ADAMTS18: variants seen among roughly 807,000 people sequenced by gnomAD.
ADAMTS18 encodes the protein A disintegrin and metalloproteinase with thrombospondin motifs 18.
Under a neutral mutation model 165.9 loss-of-function variants are expected in ADAMTS18, and 157 were observed. The ratio of observed to expected loss-of-function variants is 0.95; its 90% CI spans 0.83 to 1.08. The LOEUF (loss-of-function observed/expected upper bound fraction) is 1.08. Ranked by LOEUF, ADAMTS18 falls within the 50% of genes least tolerant of loss-of-function variation. ADAMTS18 has a pLI of 0.00. For synonymous variants in ADAMTS18, 782 were observed against 578.2 expected, an observed-to-expected ratio of 1.35 and a Z score of -5.06; for missense variants, 2,040 against 1,534.0, an observed-to-expected ratio of 1.33 and a Z score of -5.51.
chr16:77,369,482 A>T (rs185860799), intron 3 of ADAMTS18, among the ~76,000 whole-genome samples: 1 of 152,186 alleles, frequency 6.6e-6, no homozygotes, highest in Non-Finnish European at 1.5e-5. Flanking sequence ...ACGCCAATGA[A>T]TTTGAAAACT....
At chr16:77,410,138 A>T (rs2057442526) in intron 3 of ADAMTS18, among the ~76,000 whole-genome samples, 1 of 152,150 alleles carries the variant, frequency 6.6e-6, no homozygotes, top group Admixed American at 6.5e-5. Flanking sequence ...AACACACTAC[A>T]AAGTTTTACG....
intron 3 of ADAMTS18, among the ~76,000 whole-genome samples, chr16:77,427,422 T>C (rs1193043260): frequency 1.3e-5 from 2 of 152,340 alleles, no homozygotes; most frequent in African/African-American, 4.8e-5. Flanking sequence ...TCCACCAATG[T>C]CATGGCTTGC....
intron 16 of ADAMTS18, among the ~76,000 whole-genome samples, chr16:77,317,062 T>C (rs775052972): frequency 4.3e-4 from 65 of 152,322 alleles, no homozygotes; most frequent in Middle Eastern, 3.4e-3. Context: ...CCTCACATGG[T>C]AATTCTCAGA....
intron 10 of ADAMTS18, among the ~76,000 whole-genome samples, chr16:77,349,502 CATTT>C (rs2056524096): frequency 8.0e-6 from 1 of 124,852 alleles, no homozygotes; most frequent in Admixed American, 1.0e-4. Flanking sequence ...TCCTCTGCCC[CATTT>C]GTTTATGTCA....
chr16:77,423,585 TAA>T, intron 3 of ADAMTS18, among the ~76,000 whole-genome samples: 1 of 152,294 alleles, frequency 6.6e-6, no homozygotes, highest in Middle Eastern at 3.4e-3. Flanking sequence ...ATAGCCAGGA[TAA>T]AGAGTTTTCC....
At position 77,362,230 on chromosome 16, in the gene ADAMTS18, G is replaced by C; in HGVS notation, c.1091C>G (p.Ser364Cys). The C allele has an allele frequency of 1.2e-6, 2 of 1,614,156 alleles. No individual in the cohort carries two copies. Among genetic ancestry groups the C allele is most frequent in the South Asian group, 1.1e-5 (1 of 91,088 alleles). The part of the protein sequence containing the change: ...GLLINHHADQ[S>C]LNSFCQWQSA... ...CTGCCATTGACAAAAACTATTCAGA[G>C]ACTGGTCTGCATGATGGTTGATCAA... The change falls in exon 7 of 23, where the codon TCT becomes TGT. Residue 364 changes from serine (S) to cysteine (C), a missense_variant. By Grantham distance (112) the Ser-to-Cys change is moderately radical. Transcript: ENST00000282849.
intron 3 of ADAMTS18, among the ~76,000 whole-genome samples, chr16:77,401,476 G>C (rs2144810779): frequency 6.6e-6 from 1 of 152,252 alleles, no homozygotes; most frequent in South Asian, 2.1e-4. Flanking sequence ...TAAATAATTT[G>C]CCCAAATCCC....
intron 12 of ADAMTS18, 138 bp downstream of exon 12, chr16:77,335,618 C>G: frequency 1.9e-6 from 2 of 1,060,838 alleles, no homozygotes; most frequent in Non-Finnish European, 2.8e-6. Context: ...ACATGTACCC[C>G]ATAAATATGT....
chr16:77,434,891 C>T lies in ADAMTS18; in HGVS notation c.-196G>A, dbSNP rs897285607. The T allele has an allele frequency of 4.7e-6, 2 of 425,998 alleles. No homozygotes were observed. Among genetic ancestry groups the T allele is most frequent in the African/African-American group, 2.1e-5 (1 of 47,620 alleles). The allele number at this position is 425,998 out of a possible 1,614,324, so 26.4% of individuals were successfully genotyped here. A position where few individuals can be genotyped will look rare whatever the true frequency, so the allele number is the denominator to read the frequency against. ...GCCGCCTGCGCGCCCTCCCTTCTCC[C>T]GGCGCGGGCCTGCCGAGCTGCAGTT... On this transcript the variant is annotated 5_prime_UTR_variant, in exon 1 of 23. Coordinates refer to ENST00000282849, the MANE Select transcript of ADAMTS18 (RefSeq NM_199355.4).
At chr16:77,350,291 G>A (rs1000673562) in intron 10 of ADAMTS18, among the ~76,000 whole-genome samples, 1 of 152,166 alleles carries the variant, frequency 6.6e-6, no homozygotes, top group East Asian at 1.9e-4. Flanking sequence ...ACTCGTGGTT[G>A]GGAAAGGAGG....
At chr16:77,291,233 G>A (rs2055356218) in intron 21 of ADAMTS18, 33 bp downstream of exon 21, 18 of 1,610,608 alleles carry the variant, frequency 1.1e-5, no homozygotes, top group Non-Finnish European at 1.4e-5. Context: ...CATCTCACTT[G>A]AATAGACACC....
intron 3 of ADAMTS18, among the ~76,000 whole-genome samples, chr16:77,371,376 T>G (rs1388518688): frequency 6.6e-6 from 1 of 151,968 alleles, no homozygotes; most frequent in Non-Finnish European, 1.5e-5. Flanking sequence ...TTACTCAACT[T>G]TGAAATATAC....
intron 11 of ADAMTS18, among the ~76,000 whole-genome samples, chr16:77,338,100 C>T (rs2056339329): frequency 6.6e-6 from 1 of 152,080 alleles, no homozygotes; most frequent in African/African-American, 2.4e-5. Flanking sequence ...GACAGGGTTT[C>T]ACCACGTTGG....
In ADAMTS18 at chr16:77,295,100, G is replaced by C; in HGVS notation, c.2829C>G (p.Cys943Trp). The change falls in exon 19 of 23, where the codon TGC (cysteine) becomes TGG (tryptophan). Residue 943 changes from cysteine (C) to tryptophan (W), a missense_variant. By Grantham distance (215) the Cys-to-Trp change is radical (BLOSUM62 -2). Transcript: ENST00000282849. Reference sequence around the variant, plus strand: ...GCTGGCCTCCAGCACAGGCCTTGCTGCATGTACTCCATTCACCTGGCATCC... The same window carrying C: ...GCTGGCCTCCAGCACAGGCCTTGCTCCATGTACTCCATTCACCTGGCATCC... ...AYWMPGEWST[C>W]SKACAGGQQS... 1 of 1,614,138 alleles carries C rather than the reference G, an allele frequency of 6.2e-7. No individual in the cohort carries two copies. The highest frequency in any genetic ancestry group is 8.5e-7 in the Non-Finnish European group (1 of 1,180,020).
chr16:77,390,679 G>C (rs961349935), intron 3 of ADAMTS18, among the ~76,000 whole-genome samples: 1 of 147,356 alleles, frequency 6.8e-6, no homozygotes, highest in Non-Finnish European at 1.5e-5. Context: ...GACAGAGCAA[G>C]ACTCCATCTC....
At chr16:77,381,713 A>G (rs1426355398) in intron 3 of ADAMTS18, among the ~76,000 whole-genome samples, 1 of 152,170 alleles carries the variant, frequency 6.6e-6, no homozygotes, top group Non-Finnish European at 1.5e-5. Context: ...GAGGCAGGGG[A>G]ATCACTTGAA....
intron 3 of ADAMTS18, among the ~76,000 whole-genome samples, chr16:77,400,172 C>G (rs2144807460): frequency 6.6e-6 from 1 of 152,278 alleles, no homozygotes; most frequent in South Asian, 2.1e-4. Flanking sequence ...ATACCCATTC[C>G]CTATAGGCTC....
intron 3 of ADAMTS18, among the ~76,000 whole-genome samples, chr16:77,421,070 T>C (rs1283316263): frequency 6.6e-6 from 1 of 152,192 alleles, no homozygotes; most frequent in Non-Finnish European, 1.5e-5. Context: ...AGTAAATTAG[T>C]GATGTGCACT....
At chr16:77,335,379 G>T (rs2056292010) in intron 12 of ADAMTS18, among the ~76,000 whole-genome samples, 1 of 151,554 alleles carries the variant, frequency 6.6e-6, no homozygotes, top group South Asian at 2.1e-4. Flanking sequence ...TGGTTAATGG[G>T]TACAAAAATA....
Sources: gnomAD v4.1 joint callset for allele counts (sites outside exome capture counted in the v4.1 genomes callset) on GRCh38, gnomAD v4.1.1 for gene constraint, MANE v1.5 for transcripts, NCBI Gene and HGNC (gene_info 2026-07-23, HGNC 2026-07-21) for gene names.